THRB: variants seen among roughly 807,000 people sequenced by gnomAD.
The protein encoded by THRB is thyroid hormone receptor beta.
In THRB, 12 loss-of-function variants were observed where a neutral mutation model predicts 47.8. That is an observed-to-expected ratio of 0.25 (90% CI 0.16 to 0.41). The LOEUF (loss-of-function observed/expected upper bound fraction) is 0.41, where lower values mean the gene tolerates loss of function less well. Ranked by LOEUF, THRB falls within the 10% of genes least tolerant of loss-of-function variation. THRB has a pLI of 1.00. For missense variants in THRB, 348 were observed against 589.2 expected (o/e 0.59, Z 4.24); for synonymous variants, 218 against 212.2 (o/e 1.03, Z -0.24).
At chr3:24,288,112 C>T (rs1440202171) in intron 3 of THRB, among the ~76,000 whole-genome samples, 1 of 152,162 alleles carries the variant, frequency 6.6e-6, no homozygotes, top group Non-Finnish European at 1.5e-5. Flanking sequence ...TTTATTCTGT[C>T]CCAAATATAG....
intron 1 of THRB, among the ~76,000 whole-genome samples, chr3:24,377,370 G>T (rs187876310): frequency 7.1e-4 from 108 of 152,252 alleles, no homozygotes; most frequent in African/African-American, 2.6e-3. Context: ...CATGACCCAA[G>T]TTGGGCCAGT....
chr3:24,345,695 G>C (rs979211886), intron 1 of THRB, among the ~76,000 whole-genome samples: 2 of 152,080 alleles, frequency 1.3e-5, no homozygotes, highest in African/African-American at 4.8e-5. Flanking sequence ...GGAATTGGCA[G>C]ATATTGGTCT....
chr3:24,248,333 T>C (rs1289822954), intron 3 of THRB, among the ~76,000 whole-genome samples: 1 of 152,078 alleles, frequency 6.6e-6, no homozygotes, highest in Non-Finnish European at 1.5e-5. Flanking sequence ...ACTCCTCTAA[T>C]AAAGAAAATA....
chr3:24,288,023 G>T (rs761374928), intron 3 of THRB, among the ~76,000 whole-genome samples: 2 of 152,198 alleles, frequency 1.3e-5, no homozygotes, highest in Non-Finnish European at 2.9e-5. Flanking sequence ...CACTGAATAG[G>T]ATTCTGATTT....
chr3:24,416,892 A>C (rs2068779507), intron 1 of THRB, among the ~76,000 whole-genome samples: 1 of 151,882 alleles, frequency 6.6e-6, no homozygotes, highest in Admixed American at 6.6e-5. Context: ...GACTAGATAG[A>C]GTTTATTTCT....
At chr3:24,141,196 CA>C (rs1157579471) in intron 8 of THRB, among the ~76,000 whole-genome samples, 1 of 152,206 alleles carries the variant, frequency 6.6e-6, no homozygotes, top group Non-Finnish European at 1.5e-5. Context: ...AGCCTAATGG[CA>C]AATCATTCTG....
chr3:24,182,195 C>T (rs1005893597), intron 5 of THRB, among the ~76,000 whole-genome samples: 3 of 151,090 alleles, frequency 2.0e-5, no homozygotes, highest in African/African-American at 7.3e-5. Flanking sequence ...AGTGAGACTC[C>T]GTTTCAAAAA....
chr3:24,177,170 A>G (rs1173940184), intron 5 of THRB, among the ~76,000 whole-genome samples: 2 of 152,212 alleles, frequency 1.3e-5, no homozygotes, highest in Admixed American at 6.5e-5. Context: ...AGAAAACAGT[A>G]TCCCACACAC....
intron 1 of THRB, among the ~76,000 whole-genome samples, chr3:24,408,013 C>T (rs2067973093): frequency 1.3e-5 from 2 of 151,684 alleles, no homozygotes; most frequent in African/African-American, 4.8e-5. Flanking sequence ...AAAAAGTATG[C>T]CATCTTTTAA....
At chr3:24,233,569 A>AAGAGAAAGAAAGAAAGAAAGAAAGAC (rs377641913) in intron 3 of THRB, among the ~76,000 whole-genome samples, 1 of 71,850 alleles carries the variant, frequency 1.4e-5, no homozygotes. Context: ...GGAAGAAAGA[A>AAGAGAAAGAAAGAAAGAAAGAAAGAC]AGAAAGAAAG....
chr3:24,395,941 A>C (rs534769819), intron 1 of THRB, among the ~76,000 whole-genome samples: 1 of 152,250 alleles, frequency 6.6e-6, no homozygotes, highest in African/African-American at 2.4e-5. Flanking sequence ...CAGAATGGGC[A>C]ACTGTATACA....
chr3:24,409,412 G>T (rs1354908286), intron 1 of THRB, among the ~76,000 whole-genome samples: 1 of 151,760 alleles, frequency 6.6e-6, no homozygotes, highest in Non-Finnish European at 1.5e-5. Context: ...ACTTCTGGGA[G>T]GCAATATAGC....
intron 3 of THRB, among the ~76,000 whole-genome samples, chr3:24,281,509 G>T (rs914266658): frequency 6.6e-6 from 1 of 151,614 alleles, no homozygotes; most frequent in African/African-American, 2.4e-5. Context: ...ATCGAGACTA[G>T]GAGGAAACCG....
At chr3:24,287,096 G>C (rs2055384471) in intron 3 of THRB, among the ~76,000 whole-genome samples, 1 of 152,174 alleles carries the variant, frequency 6.6e-6, no homozygotes, top group Non-Finnish European at 1.5e-5. Flanking sequence ...CAGAGTTTCA[G>C]AATATCTACC....
intron 4 of THRB, among the ~76,000 whole-genome samples, chr3:24,201,057 C>T (rs1479981930): frequency 6.6e-6 from 1 of 151,904 alleles, no homozygotes; most frequent in Non-Finnish European, 1.5e-5. Flanking sequence ...CTTCTACGTG[C>T]CTGTCTTGTG....
At chr3:24,390,797 A>AAAAAAATATAT (rs5847290) in intron 1 of THRB, among the ~76,000 whole-genome samples, 2 of 137,852 alleles carry the variant, frequency 1.5e-5, no homozygotes, top group Middle Eastern at 3.7e-3. Flanking sequence ...AAAAAAAAAA[A>AAAAAAATATAT]ATATATATAT....
chr3:24,302,997 C>T (rs185516289), intron 2 of THRB, among the ~76,000 whole-genome samples: 3 of 152,262 alleles, frequency 2.0e-5, no homozygotes, highest in Admixed American at 2.0e-4. Flanking sequence ...CAGTTTTTTA[C>T]TGGAGTCCTT....
At chr3:24,154,479 AAG>A (rs1036569107) in intron 5 of THRB, among the ~76,000 whole-genome samples, 1 of 152,200 alleles carries the variant, frequency 6.6e-6, no homozygotes, top group African/African-American at 2.4e-5. Context: ...CAATGAGAAA[AAG>A]AGAGGTGAAA....
intron 1 of THRB, among the ~76,000 whole-genome samples, chr3:24,369,438 T>G (rs1387402339): frequency 6.6e-6 from 1 of 152,170 alleles, no homozygotes; most frequent in Non-Finnish European, 1.5e-5. Context: ...AAGCATGTAT[T>G]ATTGCACACA....
Sources: allele counts gnomAD v4.1 joint callset (sites outside exome capture counted in the v4.1 genomes callset), GRCh38; gene constraint gnomAD v4.1.1; transcripts MANE v1.5; gene names NCBI Gene and HGNC (gene_info 2026-07-23, HGNC 2026-07-21).